The following PPT1 variants were observed in gnomAD, a reference collection of about 807,000 sequenced individuals.
PPT1 encodes palmitoyl-protein thioesterase 1.
Under a neutral mutation model 44.0 loss-of-function variants are expected in PPT1, and 24 were observed. The ratio of observed to expected loss-of-function variants is 0.54; its 90% CI spans 0.39 to 0.77. The LOEUF (loss-of-function observed/expected upper bound fraction) is 0.77, where lower values mean the gene tolerates loss of function less well. PPT1 is among the 30% of genes least tolerant of loss of function. PPT1 has a pLI of 0.00. For synonymous variants in PPT1, 148 were observed against 140.2 expected (o/e 1.06, Z -0.39); for missense variants, 341 against 378.8 (o/e 0.90, Z 0.83).
intron 6 of PPT1, 42 bp from the exon 7 acceptor site, chr1:40,078,700 A>C (rs1485236865): frequency 1.3e-6 from 2 of 1,511,858 alleles, no homozygotes; most frequent in East Asian, 2.3e-5. Context: ...TTACCATCAG[A>C]CACCAGCAGA....
At chr1:40,088,510 A>G (rs1204921542) in intron 5 of PPT1, among the ~76,000 whole-genome samples, 2 of 152,168 alleles carry the variant, frequency 1.3e-5, no homozygotes, top group Non-Finnish European at 2.9e-5. Flanking sequence ...TCTGATATAC[A>G]ATTAAGTTTG....
chr1:40,079,802 G>A (rs1648829407), intron 6 of PPT1, among the ~76,000 whole-genome samples: 1 of 152,202 alleles, frequency 6.6e-6, no homozygotes, highest in Non-Finnish European at 1.5e-5. Flanking sequence ...CATCACATAG[G>A]TGAGAGGCTT....
rs377380526 is a variant in PPT1 at position 40,074,301 on chromosome 1, G to A, written c.799-118C>T. 5.3e-6 allele frequency: 7 copies of A among 1,313,860 alleles called. No homozygotes were observed. The East Asian group carries it at 1.7e-4, about 31-fold the overall frequency. 81.4% of individuals were successfully genotyped at this position (1,313,860 alleles called of 1,614,324 possible). A position where few individuals can be genotyped will look rare whatever the true frequency, so the allele number is the denominator to read the frequency against. On this transcript the variant is annotated intron_variant, in intron 8 of 8. Coordinates refer to ENST00000642050, the MANE Select transcript of PPT1 (RefSeq NM_000310.4). ...GCAGTTTGTCCTGAGTATTAAAATT[G>A]AGGTGTATTTTCAAAAATGCCAAAA...
intron 8 of PPT1, among the ~76,000 whole-genome samples, chr1:40,076,361 G>A (rs899957026): frequency 2.0e-5 from 3 of 151,626 alleles, no homozygotes; most frequent in Non-Finnish European, 4.4e-5. Flanking sequence ...GCTACTAAGG[G>A]GGCTGAGGCA....
intron 8 of PPT1, among the ~76,000 whole-genome samples, 158 bp from the exon 9 acceptor site, chr1:40,074,341 T>G (rs998745977): frequency 1.3e-5 from 2 of 152,142 alleles, no homozygotes; most frequent in African/African-American, 2.4e-5. Context: ...TATCTCCTAC[T>G]TCTTTTTCTT....
In PPT1 at chr1:40,077,062, G is replaced by A; in HGVS notation, c.727-149C>T. The A allele has an allele frequency of 2.7e-5, 26 of 956,752 alleles. No homozygotes were observed. In the South Asian group the frequency reaches 3.5e-4, roughly 13 times the overall value. The allele number at this position is 956,752 out of a possible 1,614,324, so 59.3% of individuals were successfully genotyped here. On this transcript the variant is annotated intron_variant, in intron 7 of 8. Transcript: ENST00000642050. Reference sequence around the variant, plus strand: ...GGAAAAATGGATAGGGTGCGTCTGAGTCATCTCTTCTTAAGGGTGGAGCCC... The same window carrying A: ...GGAAAAATGGATAGGGTGCGTCTGAATCATCTCTTCTTAAGGGTGGAGCCC...
rs534338887 is a variant in PPT1 at position 40,086,634 on chromosome 1, C to T, written c.536+2776G>A. On this transcript the variant is annotated intron_variant, in intron 5 of 8. Transcript: ENST00000642050. ...CCTGACCTGAGCTGGGGCATGGTCC[C>T]TTCCTGAAGAATCTGAATCGGGACA... is the stretch of plus-strand genomic sequence containing the variant. 4.6e-5 allele frequency among the ~76,000 whole-genome samples: 7 copies of T among 152,268 alleles called. No individual in the cohort carries two copies. In the East Asian group the frequency reaches 9.6e-4, roughly 21 times the overall value.
rs1649913358 is a variant in PPT1, at chr1:40,097,247, T to G, written c.-9A>C. 1 of 1,613,542 alleles carries G rather than the reference T, an allele frequency of 6.2e-7. No individual in the cohort carries two copies. Among genetic ancestry groups the G allele is most frequent in the Admixed American group, 1.7e-5 (1 of 59,986 alleles). ...CAGCCGGGCGACGCCATCTTCGCTG[T>G]GTCACATGACCGCGGGCGCGAGACT... On this transcript the variant is annotated 5_prime_UTR_variant, in exon 1 of 9. Transcript: ENST00000642050.
intron 8 of PPT1, 63 bp from the exon 9 acceptor site, chr1:40,074,246 G>A: frequency 1.9e-6 from 3 of 1,592,418 alleles, no homozygotes; most frequent in Non-Finnish European, 1.7e-6. Context: ...AAAATGGTAA[G>A]TACGTTAACT....
rs1293348381 is a variant in PPT1 at position 40,073,825 on chromosome 1, A to G, written c.*236T>C. On this transcript the variant is annotated 3_prime_UTR_variant, in exon 9 of 9. Transcript: ENST00000642050. ...TCTAAAACTGAACTTGACCACATCA[A>G]AAGTTTGTAAAACAATCTCCATGGT... is the stretch of plus-strand genomic sequence containing the variant. 2 of 597,104 alleles carry G rather than the reference A, an allele frequency of 3.3e-6. No homozygotes were observed. 37.0% of individuals were successfully genotyped at this position (597,104 alleles called of 1,614,324 possible).
At chr1:40,088,934 A>T (rs1390076564) in intron 5 of PPT1, among the ~76,000 whole-genome samples, 3 of 152,108 alleles carry the variant, frequency 2.0e-5, no homozygotes, top group Non-Finnish European at 4.4e-5. Context: ...TTTTTTAGTT[A>T]ATAGACTTTT....
rs758637110 is a variant in PPT1, at chr1:40,091,317, A to G, written c.433+12T>C. 2 of 1,612,110 alleles carry G rather than the reference A, an allele frequency of 1.2e-6. No individual in the cohort carries two copies. Among genetic ancestry groups the G allele is most frequent in the Non-Finnish European group, 1.7e-6 (2 of 1,178,176 alleles). On this transcript the variant is annotated intron_variant, in intron 4 of 8. Coordinates refer to ENST00000642050, the MANE Select transcript of PPT1 (RefSeq NM_000310.4). Reference sequence around the variant, plus strand: ...AGAATACAGAAAAAAGAAAGCAAAGAGGCAAAGTTACCTTGATGTTGTCCC... The same window carrying G: ...AGAATACAGAAAAAAGAAAGCAAAGGGGCAAAGTTACCTTGATGTTGTCCC...
intron 4 of PPT1, among the ~76,000 whole-genome samples, chr1:40,090,097 C>A (rs1275164551): frequency 2.0e-5 from 3 of 152,176 alleles, no homozygotes; most frequent in African/African-American, 7.2e-5. Flanking sequence ...AGAGCCCACT[C>A]CTTTAAGCAC....
chr1:40,089,560 G>T, intron 4 of PPT1, 48 bp from the exon 5 acceptor site: 1 of 1,349,474 alleles, frequency 7.4e-7, no homozygotes, highest in Non-Finnish European at 1.1e-6. Flanking sequence ...ATGATGTATC[G>T]AATACCCACT....
At chr1:40,078,693 C>A in intron 6 of PPT1, 35 bp from the exon 7 acceptor site, 1 of 1,524,682 alleles carries the variant, frequency 6.6e-7, no homozygotes, top group Non-Finnish European at 9.1e-7. Flanking sequence ...AAGGTCATTA[C>A]CATCAGACAC....
intron 5 of PPT1, among the ~76,000 whole-genome samples, chr1:40,082,971 C>G (rs1200865538): frequency 1.3e-5 from 2 of 152,150 alleles, no homozygotes; most frequent in East Asian, 3.8e-4. Context: ...AAGCTGAAGC[C>G]AATGCTGGGT....
intron 5 of PPT1, among the ~76,000 whole-genome samples, chr1:40,087,066 T>C (rs1431993416): frequency 6.6e-6 from 1 of 152,082 alleles, no homozygotes; most frequent in East Asian, 2.0e-4. Context: ...TCACACTCAT[T>C]CATCTGCTTG....
intron 4 of PPT1, 24 bp from the exon 5 acceptor site, chr1:40,089,536 C>A: frequency 6.5e-7 from 1 of 1,534,790 alleles, no homozygotes; most frequent in Non-Finnish European, 9.0e-7. Context: ...TGACAAATAT[C>A]CACTCCTTCA....
At chr1:40,077,269 G>A (rs1309580021) in intron 7 of PPT1, among the ~76,000 whole-genome samples, 8 of 152,212 alleles carry the variant, frequency 5.3e-5, no homozygotes, top group Non-Finnish European at 8.8e-5. Context: ...ATTCACTGTT[G>A]AGTACAGAGG....
Sources: gnomAD v4.1 joint callset for allele counts (sites outside exome capture counted in the v4.1 genomes callset) on GRCh38, gnomAD v4.1.1 for gene constraint, MANE v1.5 for transcripts, NCBI Gene and HGNC (gene_info 2026-07-23, HGNC 2026-07-21) for gene names.